The following EXOC4 variants were observed in gnomAD, a reference collection of about 807,000 sequenced individuals.
EXOC4 encodes exocyst complex component 4.
Under a neutral mutation model 107.2 loss-of-function variants are expected in EXOC4, and 71 were observed. The observed-to-expected ratio is 0.66, with a 90% confidence interval of 0.55 to 0.81. EXOC4 has a LOEUF of 0.81. EXOC4 is among the 30% of genes least tolerant of loss of function. The pLI is 0.00. For synonymous variants in EXOC4, 456 were observed against 441.2 expected, an observed-to-expected ratio of 1.03 and a Z score of -0.42; for missense variants, 1,108 against 1,189.6, an observed-to-expected ratio of 0.93 and a Z score of 1.01.
At chr7:133,744,653 C>T (rs1795637747) in intron 10 of EXOC4, among the ~76,000 whole-genome samples, 1 of 152,148 alleles carries the variant, frequency 6.6e-6, no homozygotes, top group Non-Finnish European at 1.5e-5. Context: ...ATTTTTAATG[C>T]CACAAATGGC....
At position 133,257,171 on chromosome 7, in the gene EXOC4, G is replaced by A. The variant is rs145610912; in HGVS notation, c.86+3984G>A. The stretch of plus-strand genomic sequence containing the variant: ...GATAGTGGTTGGGATTCAGTTTGTC[G>A]GAGGCTACTGCCAACTGCAGCTTTT... On this transcript the variant is annotated intron_variant, in intron 1 of 17. Transcript: ENST00000253861. Among the ~76,000 whole-genome samples, 1,071 of 152,278 alleles carry A rather than the reference G, an allele frequency of 7.0e-3. 14 individuals are homozygous for A. Among genetic ancestry groups the A allele is most frequent in the African/African-American group, 0.024 (1,015 of 41,550 alleles).
chr7:133,605,524 C>T (rs998753606), intron 9 of EXOC4, among the ~76,000 whole-genome samples: 6 of 152,096 alleles, frequency 3.9e-5, no homozygotes, highest in African/African-American at 7.2e-5. Context: ...TTCTGGTTTC[C>T]GCCACTTAGC....
intron 7 of EXOC4, among the ~76,000 whole-genome samples, chr7:133,460,213 A>G (rs373022873): frequency 7.9e-5 from 12 of 152,302 alleles, no homozygotes; most frequent in African/African-American, 2.2e-4. Context: ...TCGCATGTGC[A>G]GTTCACAGTA....
At chr7:134,037,568 C>G (rs1401185589) in intron 17 of EXOC4, among the ~76,000 whole-genome samples, 2 of 152,174 alleles carry the variant, frequency 1.3e-5, no homozygotes, top group African/African-American at 4.8e-5. Context: ...ACACCCTACC[C>G]AGGCCATGAG....
At chr7:133,631,797 A>C (rs911841740) in intron 10 of EXOC4, among the ~76,000 whole-genome samples, 2 of 152,004 alleles carry the variant, frequency 1.3e-5, no homozygotes, top group African/African-American at 4.8e-5. Context: ...TTTAGTTTTC[A>C]CTGTCTTCTT....
intron 11 of EXOC4, among the ~76,000 whole-genome samples, chr7:133,855,094 T>TATATCTAAATATATCTAAATATATATAA (rs1554409756): frequency 1.2e-5 from 1 of 84,424 alleles, no homozygotes; most frequent in Non-Finnish European, 2.1e-5. Flanking sequence ...TATATATAAA[T>TATATCTAAATATATCTAAATATATATAA]ATATATATAA....
intron 15 of EXOC4, among the ~76,000 whole-genome samples, chr7:134,001,468 ATTTC>A (rs1050484723): frequency 2.8e-5 from 2 of 71,010 alleles, no homozygotes; most frequent in African/African-American, 8.1e-5. Context: ...GACTATTTTA[ATTTC>A]TTTTTTTTTT....
intron 11 of EXOC4, among the ~76,000 whole-genome samples, chr7:133,846,344 C>T (rs912755503): frequency 6.6e-6 from 1 of 152,278 alleles, no homozygotes; most frequent in African/African-American, 2.4e-5. Context: ...ACAGGCCAAC[C>T]TGAAGTTAAT....
intron 10 of EXOC4, among the ~76,000 whole-genome samples, chr7:133,793,947 G>A (rs1225776101): frequency 6.6e-6 from 1 of 152,172 alleles, no homozygotes; most frequent in Non-Finnish European, 1.5e-5. Context: ...TGAACTGTGG[G>A]TCTCAAATAT....
At chr7:133,270,217 T>TA (rs1584764836) in intron 1 of EXOC4, among the ~76,000 whole-genome samples, 1 of 152,290 alleles carries the variant, frequency 6.6e-6, no homozygotes, top group East Asian at 1.9e-4. Flanking sequence ...TCCCCAGCCA[T>TA]GTGGAATTGT....
chr7:133,414,567 C>T (rs779587610), intron 7 of EXOC4, among the ~76,000 whole-genome samples: 1 of 152,044 alleles, frequency 6.6e-6, no homozygotes, highest in Non-Finnish European at 1.5e-5. Context: ...CAGAGGAATG[C>T]ATAAATGTAG....
At chr7:133,930,244 A>G (rs1317834132) in intron 13 of EXOC4, among the ~76,000 whole-genome samples, 1 of 152,216 alleles carries the variant, frequency 6.6e-6, no homozygotes, top group Non-Finnish European at 1.5e-5. Flanking sequence ...CCTGGCAGAA[A>G]AACTGCATAC....
chr7:133,364,208 A>AGCCTTGACCCCAG (rs1259480546), intron 6 of EXOC4, among the ~76,000 whole-genome samples: 189 of 152,116 alleles, frequency 1.2e-3, no homozygotes, highest in South Asian at 1.7e-3. Flanking sequence ...GGCTCACTGT[A>AGCCTTGACCCCAG]GCCTTGACCC....
intron 11 of EXOC4, among the ~76,000 whole-genome samples, chr7:133,851,908 C>T (rs1798246579): frequency 6.6e-6 from 1 of 152,122 alleles, no homozygotes; most frequent in Non-Finnish European, 1.5e-5. Flanking sequence ...GCTGTTAGTC[C>T]AGCCCAGGAT....
At chr7:133,812,194 G>T (rs1205113027) in intron 10 of EXOC4, among the ~76,000 whole-genome samples, 1 of 152,076 alleles carries the variant, frequency 6.6e-6, no homozygotes, top group Non-Finnish European at 1.5e-5. Context: ...CTAATCTCCA[G>T]CCTCATCAGA....
At chr7:133,868,175 G>GAACCTCATGGTT (rs1563035352) in intron 11 of EXOC4, among the ~76,000 whole-genome samples, 2 of 152,140 alleles carry the variant, frequency 1.3e-5, no homozygotes, top group African/African-American at 4.8e-5. Context: ...CTTGGCTTGA[G>GAACCTCATGGTT]CTAGGGTCAT....
chr7:133,388,599 G>A (rs574958491), intron 7 of EXOC4, among the ~76,000 whole-genome samples: 39 of 152,250 alleles, frequency 2.6e-4, no homozygotes, highest in Middle Eastern at 6.8e-3. Flanking sequence ...GCAGTGAGCC[G>A]AGATTGTGCC....
chr7:134,081,700 A>G, the EXOC4 span, among the ~76,000 whole-genome samples: 1 of 152,196 alleles, frequency 6.6e-6, no homozygotes, highest in Non-Finnish European at 1.5e-5. Flanking sequence ...CAGCAAAGGT[A>G]GGTTCCCAGG....
chr7:133,731,971 G>A (rs778371638), intron 10 of EXOC4, among the ~76,000 whole-genome samples: 4 of 152,120 alleles, frequency 2.6e-5, no homozygotes, highest in African/African-American at 7.2e-5. Flanking sequence ...AAATCATTCT[G>A]TTATAAAGAT....
Sources: gnomAD v4.1 joint callset for allele counts (sites outside exome capture counted in the v4.1 genomes callset) on GRCh38, gnomAD v4.1.1 for gene constraint, MANE v1.5 for transcripts, NCBI Gene and HGNC (gene_info 2026-07-23, HGNC 2026-07-21) for gene names.